SNCAIP: variants seen among roughly 807,000 people sequenced by gnomAD.
SNCAIP encodes synuclein alpha interacting protein, also known as synphilin-1.
In SNCAIP, 43 loss-of-function variants were observed where a neutral mutation model predicts 86.7. That is an observed-to-expected ratio of 0.50 (90% CI 0.39 to 0.64). SNCAIP has a LOEUF of 0.64. SNCAIP is among the 30% of genes least tolerant of loss of function. The pLI, the probability that SNCAIP is intolerant of heterozygous loss-of-function variation, is 0.00. For missense variants in SNCAIP, 981 were observed against 1,103.1 expected (o/e 0.89, Z 1.57); for synonymous variants, 417 against 427.2 (o/e 0.98, Z 0.29).
chr5:122,426,312 G>A lies in SNCAIP; in HGVS notation c.1182+781G>A, dbSNP rs148631586. Among the ~76,000 whole-genome samples the A allele has an allele frequency of 1.3e-3, 205 of 152,240 alleles. 1 individual carries two copies. Among genetic ancestry groups the A allele is most frequent in the African/African-American group, 4.6e-3 (191 of 41,558 alleles). On this transcript the variant is annotated intron_variant, in intron 5 of 10. Coordinates refer to ENST00000261368, the MANE Select transcript of SNCAIP (RefSeq NM_005460.4). The stretch of plus-strand genomic sequence containing the variant: ...CATATGTGCTTTGCTTTACATAATA[G>A]TTGTGTCTTCTAAAAGCTGAATAAT...
At chr5:122,408,297 C>T (rs1238750660) in intron 3 of SNCAIP, among the ~76,000 whole-genome samples, 1 of 152,198 alleles carries the variant, frequency 6.6e-6, no homozygotes, top group Non-Finnish European at 1.5e-5. Flanking sequence ...ATTCTGCCTG[C>T]TTCCTGAGTG....
chr5:122,381,688 C>G (rs1190002817), intron 1 of SNCAIP, among the ~76,000 whole-genome samples: 1 of 151,612 alleles, frequency 6.6e-6, no homozygotes, highest in Non-Finnish European at 1.5e-5. Flanking sequence ...ACCGGTTGTT[C>G]CTTTCCATGT....
chr5:122,462,007 G>A (rs1786452864), intron 10 of SNCAIP, among the ~76,000 whole-genome samples: 2 of 152,116 alleles, frequency 1.3e-5, no homozygotes, highest in Admixed American at 6.6e-5. Context: ...TTAAATTTTT[G>A]CAGTCAAATA....
Position 122,406,133 on chromosome 5 carries a change from G to A in SNCAIP, c.130+2268G>A, listed in dbSNP as rs891474282. Among the ~76,000 whole-genome samples, 4 of 152,194 alleles carry A rather than the reference G, an allele frequency of 2.6e-5. 1 individual carries two copies. The South Asian group carries it at 8.3e-4, about 32-fold the overall frequency. ...CCACGGAAAAATGTGTCTGCCCACA[G>A]CATCACTGTAGAATTATCCATGGGC... On this transcript the variant is annotated intron_variant, in intron 3 of 10. Transcript: ENST00000261368.
intron 1 of SNCAIP, among the ~76,000 whole-genome samples, chr5:122,334,275 GA>G (rs35820258): frequency 0.02 from 2,806 of 141,900 alleles, 64 homozygotes; most frequent in East Asian, 0.11. Context: ...TACAGATAAA[GA>G]AAAAAAAAAA....
At chr5:122,366,720 T>G (rs974247883) in intron 1 of SNCAIP, among the ~76,000 whole-genome samples, 1 of 152,058 alleles carries the variant, frequency 6.6e-6, no homozygotes, top group Admixed American at 6.6e-5. Context: ...AGGAGCTGAA[T>G]GTAGGCAGGC....
At chr5:122,374,388 T>G (rs1287196580) in intron 1 of SNCAIP, among the ~76,000 whole-genome samples, 1 of 152,170 alleles carries the variant, frequency 6.6e-6, no homozygotes, top group African/African-American at 2.4e-5. Context: ...TTATGTTGGT[T>G]AATTACAAAA....
chr5:122,320,207 T>C lies in SNCAIP; in HGVS notation c.-47+7923T>C, dbSNP rs796554583. 5.3e-5 allele frequency among the ~76,000 whole-genome samples: 8 copies of C among 152,342 alleles called. No individual in the cohort carries two copies. The South Asian group carries it at 1.7e-3, about 32-fold the overall frequency. On this transcript the variant is annotated intron_variant, in intron 1 of 10. Transcript: ENST00000261368. ...TTCACAGTGGGACAGATAACATCATTAGAGTGACAGCACTACTGGTTTGAT... is the reference window on the plus strand; with the variant it reads ...TTCACAGTGGGACAGATAACATCATCAGAGTGACAGCACTACTGGTTTGAT...
intron 10 of SNCAIP, among the ~76,000 whole-genome samples, chr5:122,461,146 G>A (rs777999057): frequency 6.6e-6 from 1 of 152,040 alleles, no homozygotes; most frequent in Non-Finnish European, 1.5e-5. Flanking sequence ...GATTCTAGGT[G>A]GGAAATTATT....
chr5:122,462,864 A>T (rs974365654), intron 10 of SNCAIP, among the ~76,000 whole-genome samples: 2 of 152,174 alleles, frequency 1.3e-5, no homozygotes, highest in Non-Finnish European at 2.9e-5. Flanking sequence ...AAATGATTGC[A>T]CCTACCCAAG....
intron 2 of SNCAIP, among the ~76,000 whole-genome samples, chr5:122,397,007 C>T (rs1770756819): frequency 1.3e-5 from 2 of 152,038 alleles, no homozygotes; most frequent in Admixed American, 6.6e-5. Context: ...ATTTATTGAA[C>T]ACTTAACTGT....
intron 7 of SNCAIP, among the ~76,000 whole-genome samples, chr5:122,442,112 C>CTTTTTTTTTTTT (rs10688988): frequency 9.1e-5 from 6 of 65,724 alleles, no homozygotes; most frequent in Admixed American, 2.2e-4. Context: ...AAGCAGTACT[C>CTTTTTTTTTTTT]TTTTTTTTTT....
intron 1 of SNCAIP, chr5:122,369,941 G>C (rs757358027): frequency 1.3e-5 from 2 of 152,118 alleles, no homozygotes; most frequent in Non-Finnish European, 2.9e-5. Flanking sequence ...GAGCCCTGGG[G>C]TTCAACGCCA....
chr5:122,457,642 G>A (rs939534065), intron 10 of SNCAIP, among the ~76,000 whole-genome samples: 1 of 151,786 alleles, frequency 6.6e-6, no homozygotes, highest in East Asian at 1.9e-4. Flanking sequence ...GCCTCCTCAT[G>A]CTTCCTTAGG....
At position 122,463,627 on chromosome 5, in the gene SNCAIP, T is replaced by C; in HGVS notation, c.*131T>C. ...ATGCCCTTTGGAAATTATTGGAAAT[T>C]TCTGGACTATCCTCTTTGGAAAGAG... On this transcript the variant is annotated 3_prime_UTR_variant, in exon 11 of 11. Coordinates refer to ENST00000261368, the MANE Select transcript of SNCAIP (RefSeq NM_005460.4). 2 of 928,750 alleles carry C rather than the reference T, an allele frequency of 2.2e-6. No individual in the cohort carries two copies. The highest frequency in any genetic ancestry group is 3.4e-6 in the Non-Finnish European group (2 of 586,724). The allele number at this position is 928,750 out of a possible 1,614,324, so 57.5% of individuals were successfully genotyped here. A position where few individuals can be genotyped will look rare whatever the true frequency, so the allele number is the denominator to read the frequency against.
chr5:122,364,037 C>T (rs949158870), intron 1 of SNCAIP, among the ~76,000 whole-genome samples: 3 of 152,002 alleles, frequency 2.0e-5, no homozygotes, highest in African/African-American at 7.2e-5. Context: ...TCCTATGTTT[C>T]CCAGACTGTC....
chr5:122,403,870 G>T lies in SNCAIP; in HGVS notation c.130+5G>T. On this transcript the variant is annotated splice_donor_5th_base_variant and intron_variant, in intron 3 of 10. Coordinates refer to ENST00000261368, the MANE Select transcript of SNCAIP (RefSeq NM_005460.4). ...CGCAAAACGAAGACAGATCAGGTAG[G>T]TTTTGCTCCTCCCCTCTTCTCCTTA... The T allele has an allele frequency of 1.2e-6, 2 of 1,611,390 alleles. No individual in the cohort carries two copies. Among genetic ancestry groups the T allele is most frequent in the Non-Finnish European group, 1.7e-6 (2 of 1,177,580 alleles).
At chr5:122,367,735 T>G (rs1159355377) in intron 1 of SNCAIP, among the ~76,000 whole-genome samples, 1 of 152,088 alleles carries the variant, frequency 6.6e-6, no homozygotes, top group Non-Finnish European at 1.5e-5. Flanking sequence ...AAAGCGCCTG[T>G]ATTACTGTGT....
intron 1 of SNCAIP, among the ~76,000 whole-genome samples, chr5:122,373,638 T>G (rs867466178): frequency 6.6e-6 from 1 of 152,220 alleles, no homozygotes; most frequent in African/African-American, 2.4e-5. Context: ...AGACATCCTT[T>G]CTTCTAATTT....
Sources: allele counts gnomAD v4.1 joint callset (sites outside exome capture counted in the v4.1 genomes callset), GRCh38; gene constraint gnomAD v4.1.1; transcripts MANE v1.5; gene names NCBI Gene and HGNC (gene_info 2026-07-23, HGNC 2026-07-21).